The following NRXN3 variants were observed in gnomAD, a reference collection of about 807,000 sequenced individuals.
NRXN3 encodes neurexin 3, also known as neurexin III.
A neutral mutation model predicts 137.6 loss-of-function variants in NRXN3; 32 were observed. The observed-to-expected ratio is 0.23, with a 90% confidence interval of 0.18 to 0.31. NRXN3 has a LOEUF of 0.31. Ranked by LOEUF, NRXN3 falls within the 10% of genes least tolerant of loss-of-function variation. The probability of loss-of-function intolerance (pLI) is 1.00; values close to 1 mark genes in which losing one functional copy is unlikely to be tolerated. For missense variants in NRXN3, 1,574 were observed against 2,062.5 expected (o/e 0.76, Z 4.59); for synonymous variants, 798 against 784.5 (o/e 1.02, Z -0.29).
intron 17 of NRXN3, among the ~76,000 whole-genome samples, chr14:79,685,949 G>A (rs1198343508): frequency 6.6e-6 from 1 of 152,152 alleles, no homozygotes; most frequent in Non-Finnish European, 1.5e-5. Context: ...TAATACACCA[G>A]GGTTACATCT....
At chr14:78,948,911 T>TTTTCA (rs1472613304) in intron 10 of NRXN3, among the ~76,000 whole-genome samples, 1 of 152,132 alleles carries the variant, frequency 6.6e-6, no homozygotes, top group African/African-American at 2.4e-5. Context: ...TCAGACAGGC[T>TTTTCA]GACTAGGGTT....
chr14:79,342,532 G>A (rs926338395), intron 15 of NRXN3, among the ~76,000 whole-genome samples: 1 of 151,836 alleles, frequency 6.6e-6, no homozygotes, highest in African/African-American at 2.4e-5. Context: ...CCAAGAAGAG[G>A]ACCTACTTAT....
intron 16 of NRXN3, among the ~76,000 whole-genome samples, chr14:79,519,412 TCCTTTTC>T (rs1243468124): frequency 2.0e-5 from 3 of 152,128 alleles, no homozygotes; most frequent in Non-Finnish European, 4.4e-5. Flanking sequence ...TATTAAATTC[TCCTTTTC>T]CCTATATGAA....
chr14:79,233,772 G>T (rs1427958980), intron 15 of NRXN3, among the ~76,000 whole-genome samples: 1 of 151,714 alleles, frequency 6.6e-6, no homozygotes, highest in Non-Finnish European at 1.5e-5. Context: ...CTAGAGAAAG[G>T]TCCCATGATG....
At chr14:79,819,941 G>A (rs563581132) in intron 20 of NRXN3, among the ~76,000 whole-genome samples, 18 of 152,186 alleles carry the variant, frequency 1.2e-4, no homozygotes, top group African/African-American at 3.9e-4. Context: ...CGCTTTGCCA[G>A]TGTGTCTTCT....
intron 11 of NRXN3, among the ~76,000 whole-genome samples, chr14:78,963,545 G>A (rs918038767): frequency 6.6e-6 from 1 of 152,098 alleles, no homozygotes; most frequent in Non-Finnish European, 1.5e-5. Flanking sequence ...TATTAATTTA[G>A]AGCATGCAAA....
In NRXN3 at chr14:78,243,824, G is replaced by T. The variant is rs767698530; in HGVS notation, c.709+22G>T. ...GAAGGTAAGACCCTCTCCCTCTCTT[G>T]CTAGAGACCCACCCACGGGATGGCT... On this transcript the variant is annotated intron_variant, in intron 2 of 20. Transcript: ENST00000335750. The surrounding 1 kb of genome is among the most constrained non-coding windows in gnomAD (Gnocchi z 4.2). The T allele has an allele frequency of 5.2e-6, 8 of 1,526,666 alleles. No homozygotes were observed. In the South Asian group the frequency reaches 7.6e-5, roughly 14 times the overall value. The allele number at this position is 1,526,666 out of a possible 1,614,324, so 94.6% of individuals were successfully genotyped here. A position where few individuals can be genotyped will look rare whatever the true frequency, so the allele number is the denominator to read the frequency against.
chr14:79,488,507 A>G (rs1310479997), intron 16 of NRXN3, among the ~76,000 whole-genome samples: 2 of 152,200 alleles, frequency 1.3e-5, no homozygotes, highest in East Asian at 3.8e-4. Context: ...TTGACAACGC[A>G]TGGGAGCAGA....
At position 79,780,732 on chromosome 14, in the gene NRXN3, T is replaced by C. The variant is rs2099111132; in HGVS notation, c.4015-24380T>C. Among the ~76,000 whole-genome samples the C allele has an allele frequency of 4.6e-5, 7 of 152,226 alleles. 1 individual carries two copies. The South Asian group carries it at 1.4e-3, about 31-fold the overall frequency. ...ATTTTCTAATCAACAGAAAACATTT[T>C]GTTAAGATGTTGCTGATGCAAATAA... On this transcript the variant is annotated intron_variant, in intron 19 of 20. Coordinates refer to ENST00000335750, the MANE Select transcript of NRXN3 (RefSeq NM_001330195.2).
In NRXN3 at chr14:79,585,967, G is replaced by A. The variant is rs377495130; in HGVS notation, c.3445-77811G>A. Among the ~76,000 whole-genome samples, 10 of 152,266 alleles carry A rather than the reference G, an allele frequency of 6.6e-5. No homozygotes were observed. In the East Asian group the frequency reaches 1.9e-3, roughly 29 times the overall value. ...CACACACATTGGCTTTACAGCATAC[G>A]AACGCCAAGTTTGTGGCGTAGCATA... On this transcript the variant is annotated intron_variant, in intron 16 of 20. Transcript: ENST00000335750.
chr14:79,403,938 C>T (rs564773581), intron 15 of NRXN3, among the ~76,000 whole-genome samples: 2 of 152,116 alleles, frequency 1.3e-5, no homozygotes, highest in East Asian at 3.9e-4. Flanking sequence ...AAATCTTAAC[C>T]CAAACAACTA....
intron 8 of NRXN3, chr14:78,754,008 A>G (rs1310479272): frequency 2.0e-5 from 3 of 152,226 alleles, no homozygotes; most frequent in Non-Finnish European, 4.4e-5. Flanking sequence ...ATCAGGCAAC[A>G]TGAGACTTGG....
At chr14:79,084,822 T>G (rs1456557857) in intron 15 of NRXN3, among the ~76,000 whole-genome samples, 6 of 152,172 alleles carry the variant, frequency 3.9e-5, no homozygotes, top group Admixed American at 2.6e-4. Flanking sequence ...CCCTTCTGCT[T>G]ACTGTTCTGG....
intron 16 of NRXN3, among the ~76,000 whole-genome samples, chr14:79,479,084 C>T (rs1238377326): frequency 6.6e-6 from 1 of 152,162 alleles, no homozygotes; most frequent in Non-Finnish European, 1.5e-5. Flanking sequence ...TTATCATTAT[C>T]TTAGCTTGGA....
chr14:78,368,538 A>C (rs764067322), intron 4 of NRXN3, among the ~76,000 whole-genome samples: 1 of 152,052 alleles, frequency 6.6e-6, no homozygotes, highest in African/African-American at 2.4e-5. Context: ...CTAAAAATAC[A>C]AAAAAAATTA....
At chr14:79,688,930 T>A (rs188792788) in intron 17 of NRXN3, among the ~76,000 whole-genome samples, 1 of 152,196 alleles carries the variant, frequency 6.6e-6, no homozygotes, top group East Asian at 1.9e-4. Flanking sequence ...GACTAATATG[T>A]TTTTTTCTAA....
chr14:79,667,726 C>G (rs1603399892), intron 17 of NRXN3, among the ~76,000 whole-genome samples: 1 of 152,178 alleles, frequency 6.6e-6, no homozygotes, highest in East Asian at 1.9e-4. Context: ...AGCTATCATC[C>G]AGGCACTGAC....
At chr14:78,567,543 C>A (rs1037518450) in intron 4 of NRXN3, among the ~76,000 whole-genome samples, 5 of 152,066 alleles carry the variant, frequency 3.3e-5, no homozygotes, top group Non-Finnish European at 7.3e-5. Context: ...GAGCTCCTGC[C>A]AAGACTCTTG....
At chr14:79,450,738 T>A (rs1567162430) in intron 15 of NRXN3, among the ~76,000 whole-genome samples, 1 of 151,926 alleles carries the variant, frequency 6.6e-6, no homozygotes, top group Non-Finnish European at 1.5e-5. Flanking sequence ...TGAGGGCACA[T>A]GCCTGTAATC....
Sources: gnomAD v4.1 joint callset for allele counts (sites outside exome capture counted in the v4.1 genomes callset) on GRCh38, gnomAD v4.1.1 for gene constraint, Gnocchi (gnomAD v3.1) non-coding constraint, MANE v1.5 for transcripts, NCBI Gene and HGNC (gene_info 2026-07-23, HGNC 2026-07-21) for gene names.